NAALADL2: variants seen among roughly 807,000 people sequenced by gnomAD.
NAALADL2 encodes the protein N-acetylated alpha-linked acidic dipeptidase like 2, also known as inactive N-acetylated-alpha-linked acidic dipeptidase-like protein 2.
A neutral mutation model predicts 87.2 loss-of-function variants in NAALADL2; 76 were observed. The observed-to-expected ratio is 0.87, with a 90% CI of 0.72 to 1.05. The LOEUF is 1.05. NAALADL2 is among the 50% of genes least tolerant of loss of function. The pLI, the probability that NAALADL2 is intolerant of heterozygous loss-of-function variation, is 0.00. For synonymous variants in NAALADL2, 354 were observed against 331.0 expected, an observed-to-expected ratio of 1.07 and a Z score of -0.75; for missense variants, 1,089 against 945.8, an observed-to-expected ratio of 1.15 and a Z score of -1.99.
At chr3:175,737,160 A>G (rs988652348) in intron 11 of NAALADL2, 146 bp from the exon 12 acceptor site, 3 of 546,474 alleles carry the variant, frequency 5.5e-6, no homozygotes, top group East Asian at 3.3e-5. Context: ...AAGATTTAAA[A>G]GAAAAAGAGA....
chr3:174,525,204 C>G (rs192881934), intron 1 of NAALADL2, among the ~76,000 whole-genome samples: 1 of 152,140 alleles, frequency 6.6e-6, no homozygotes, highest in Non-Finnish European at 1.5e-5. Flanking sequence ...GATGAAAACT[C>G]GAGACAGTCT....
intron 2 of NAALADL2, among the ~76,000 whole-genome samples, chr3:175,125,514 T>C (rs1726816205): frequency 6.6e-6 from 1 of 152,060 alleles, no homozygotes; most frequent in Admixed American, 6.6e-5. Flanking sequence ...TTGGATCCTT[T>C]ATGTGTTTTG....
chr3:175,316,607 G>A (rs1759177048), intron 4 of NAALADL2, among the ~76,000 whole-genome samples: 1 of 152,134 alleles, frequency 6.6e-6, no homozygotes, highest in Non-Finnish European at 1.5e-5. Context: ...GTACTGAGCA[G>A]GACTAAATAC....
chr3:175,254,616 T>C (rs1008564228), intron 3 of NAALADL2, among the ~76,000 whole-genome samples: 1 of 152,176 alleles, frequency 6.6e-6, no homozygotes, highest in African/African-American at 2.4e-5. Flanking sequence ...GTAATAGCCT[T>C]ATTATAAGAT....
chr3:174,673,042 G>T (rs1726720071), intron 2 of NAALADL2, among the ~76,000 whole-genome samples: 1 of 152,014 alleles, frequency 6.6e-6, no homozygotes, highest in Non-Finnish European at 1.5e-5. Context: ...CATAAGGGAA[G>T]TTCCATCTAA....
intron 3 of NAALADL2, among the ~76,000 whole-genome samples, chr3:174,820,118 G>C (rs1721258973): frequency 6.6e-6 from 1 of 152,112 alleles, no homozygotes; most frequent in African/African-American, 2.4e-5. Flanking sequence ...AGTTTGATAA[G>C]TAGGAATCAC....
chr3:175,774,658 T>C (rs1749973124), intron 13 of NAALADL2, among the ~76,000 whole-genome samples: 1 of 152,072 alleles, frequency 6.6e-6, no homozygotes, highest in African/African-American at 2.4e-5. Flanking sequence ...GATCTGGACC[T>C]ATATAGATCT....
chr3:174,600,013 TTAGA>T (rs1484654980), intron 2 of NAALADL2, among the ~76,000 whole-genome samples: 1 of 152,136 alleles, frequency 6.6e-6, no homozygotes, highest in Admixed American at 6.6e-5. Context: ...TTCAAGTAAC[TTAGA>T]TAGGAATAGC....
At chr3:175,513,989 T>C (rs1225648890) in intron 9 of NAALADL2, among the ~76,000 whole-genome samples, 1 of 152,140 alleles carries the variant, frequency 6.6e-6, no homozygotes, top group Non-Finnish European at 1.5e-5. Flanking sequence ...CACAGGGCAA[T>C]CTACATGGAT....
At chr3:174,445,532 C>G (rs911874997) in intron 1 of NAALADL2, among the ~76,000 whole-genome samples, 1 of 151,964 alleles carries the variant, frequency 6.6e-6, no homozygotes, top group Non-Finnish European at 1.5e-5. Context: ...TAGTTTTTTA[C>G]GTGGTACATT....
chr3:175,788,784 ATAAT>A (rs1180528418), intron 13 of NAALADL2, among the ~76,000 whole-genome samples: 1 of 152,204 alleles, frequency 6.6e-6, no homozygotes, highest in African/African-American at 2.4e-5. Flanking sequence ...TCTTACTCAA[ATAAT>A]TATATGAAGG....
intron 5 of NAALADL2, among the ~76,000 whole-genome samples, chr3:175,373,503 C>T (rs563218382): frequency 3.9e-5 from 6 of 152,076 alleles, no homozygotes; most frequent in Non-Finnish European, 5.9e-5. Context: ...TTAATTTGTT[C>T]GTGATTATTG....
intron 1 of NAALADL2, among the ~76,000 whole-genome samples, chr3:174,972,334 G>C (rs969300858): frequency 1.3e-5 from 2 of 152,092 alleles, no homozygotes; most frequent in Admixed American, 6.5e-5. Flanking sequence ...AAAAACCATT[G>C]ACTGGGTGGC....
rs371282676 is a variant in NAALADL2 at position 174,733,157 on chromosome 3, G to A, written c.-114-4484G>A. 6.7e-4 allele frequency among the ~76,000 whole-genome samples: 102 copies of A among 152,240 alleles called. 1 individual carries two copies. The highest frequency in any genetic ancestry group is 2.3e-3 in the African/African-American group (95 of 41,560). On this transcript the variant is annotated intron_variant, in intron 2 of 3. Transcript: ENST00000434257. Reference sequence around the variant, plus strand: ...GTGGGAGCTAGTGGTAAATGTTGGTGTGACACTTAAGTGAGATAATCATTA... The same window carrying A: ...GTGGGAGCTAGTGGTAAATGTTGGTATGACACTTAAGTGAGATAATCATTA...
chr3:175,619,836 C>G (rs568670183), intron 10 of NAALADL2, among the ~76,000 whole-genome samples: 2 of 152,050 alleles, frequency 1.3e-5, no homozygotes, highest in Non-Finnish European at 2.9e-5. Flanking sequence ...AGTCCAGGAA[C>G]CTTCAAGTAA....
intron 2 of NAALADL2, among the ~76,000 whole-genome samples, chr3:174,563,468 G>GT (rs1713874677): frequency 6.6e-6 from 1 of 150,896 alleles, no homozygotes; most frequent in Admixed American, 6.6e-5. Flanking sequence ...AATTTTTATT[G>GT]TGAAGAGTAG....
chr3:174,843,164 C>T (rs1167961627), intron 3 of NAALADL2, among the ~76,000 whole-genome samples: 2 of 152,092 alleles, frequency 1.3e-5, no homozygotes, highest in Admixed American at 6.6e-5. Context: ...ATATTGTTAA[C>T]CATCATCACC....
chr3:174,516,649 G>T (rs1560025136), intron 1 of NAALADL2, among the ~76,000 whole-genome samples: 1 of 151,966 alleles, frequency 6.6e-6, no homozygotes, highest in Non-Finnish European at 1.5e-5. Context: ...TAACAAAGAT[G>T]ATAAAAATTG....
intron 5 of NAALADL2, among the ~76,000 whole-genome samples, chr3:175,409,126 A>G (rs760263398): frequency 4.6e-5 from 7 of 151,872 alleles, no homozygotes; most frequent in Non-Finnish European, 1.0e-4. Context: ...TTCCACATGA[A>G]CTCTAGGTGT....
Sources: allele counts gnomAD v4.1 joint callset (sites outside exome capture counted in the v4.1 genomes callset), GRCh38; gene constraint gnomAD v4.1.1; transcripts MANE v1.5; gene names NCBI Gene and HGNC (gene_info 2026-07-23, HGNC 2026-07-21).